The following SNRPN variants were observed in gnomAD, a reference collection of about 807,000 sequenced individuals.
The protein encoded by SNRPN is small nuclear ribonucleoprotein polypeptide N.
Under a neutral mutation model 25.2 loss-of-function variants are expected in SNRPN, and 7 were observed. That is an observed-to-expected ratio of 0.28 (90% CI 0.16 to 0.52). SNRPN has a LOEUF of 0.52. SNRPN is among the 20% of genes least tolerant of loss of function. The pLI is 0.96. For missense variants in SNRPN, 196 were observed against 322.5 expected (o/e 0.61, Z 3.00); for synonymous variants, 124 against 110.6 (o/e 1.12, Z -0.76).
intron 1 of SNRPN, among the ~76,000 whole-genome samples, chr15:24,884,655 A>G (rs1342138014): frequency 2.6e-5 from 4 of 152,236 alleles, no homozygotes; most frequent in Admixed American, 6.5e-5. Flanking sequence ...AGCTTTCCAT[A>G]GTATTTCATA....
chr15:24,923,078 G>C (rs7167489), intron 3 of SNRPN, among the ~76,000 whole-genome samples: 12,169 of 151,608 alleles, frequency 0.08, 548 homozygotes, highest in Non-Finnish European at 0.1. Flanking sequence ...GCTAATTTTT[G>C]TATTTTTAGC....
rs563845532 is a variant in SNRPN, at chr15:24,888,840, A to G, written c.-505+2251A>G. 1.2e-4 allele frequency among the ~76,000 whole-genome samples: 19 copies of G among 152,338 alleles called. No homozygotes were observed. The South Asian group carries it at 3.9e-3, about 32-fold the overall frequency. Reference sequence around the variant, plus strand: ...GCTCTTAAAGTTCTGAGAAGCAGCAAGTAAGTTCATCATTTACTAAGATCC... The same window carrying G: ...GCTCTTAAAGTTCTGAGAAGCAGCAGGTAAGTTCATCATTTACTAAGATCC... On this transcript the variant is annotated intron_variant, in intron 2 of 11. Coordinates refer to the SNRPN transcript ENST00000400097.
intron 3 of SNRPN, among the ~76,000 whole-genome samples, chr15:24,941,036 G>A (rs1005709725): frequency 6.6e-6 from 1 of 152,174 alleles, no homozygotes; most frequent in Non-Finnish European, 1.5e-5. Context: ...GAGTGCAGTG[G>A]CACAATCTTG....
intron 2 of SNRPN, chr15:24,850,215 A>G (rs2052686420): frequency 6.6e-6 from 1 of 152,276 alleles, no homozygotes; most frequent in Non-Finnish European, 1.5e-5. Flanking sequence ...GGCTGCCAAC[A>G]GGCTAATAGT....
At chr15:24,841,398 C>T (rs1256927113) in intron 2 of SNRPN, among the ~76,000 whole-genome samples, 3 of 152,036 alleles carry the variant, frequency 2.0e-5, no homozygotes, top group Admixed American at 1.3e-4. Flanking sequence ...TCACAGGGCT[C>T]TACCCACAAG....
chr15:24,881,702 A>G (rs2056701958), intron 1 of SNRPN, among the ~76,000 whole-genome samples: 1 of 152,170 alleles, frequency 6.6e-6, no homozygotes, highest in Admixed American at 6.6e-5. Flanking sequence ...GCATTTAAAA[A>G]TCGAAGAACC....
chr15:24,965,694 A>G lies in SNRPN; in HGVS notation c.-294-2238A>G, dbSNP rs192362067. ...ATTGGAGCTGGAGAGTTGTCTTAAT[A>G]TATTTTATGCTAAGCTTCACATGTC... On this transcript the variant is annotated intron_variant, in intron 2 of 9. Coordinates refer to ENST00000390687, the MANE Select transcript of SNRPN (RefSeq NM_003097.6). Among the ~76,000 whole-genome samples, 8 of 152,274 alleles carry G rather than the reference A, an allele frequency of 5.3e-5. No individual in the cohort carries two copies. The Middle Eastern group carries it at 0.01, about 194-fold the overall frequency.
At chr15:24,852,905 A>T (rs2053006733), upstream of SNRPN, among the ~76,000 whole-genome samples, 1 of 152,184 alleles carries the variant, frequency 6.6e-6, no homozygotes, top group African/African-American at 2.4e-5. Flanking sequence ...TAGCGCTCCA[A>T]CCTGGGCAAG....
In SNRPN at chr15:24,894,750, T is replaced by A. The variant is rs116066158; in HGVS notation, c.-505+8161T>A. Among the ~76,000 whole-genome samples, 1,023 of 152,336 alleles carry A rather than the reference T, an allele frequency of 6.7e-3. 19 individuals are homozygous for A. Among genetic ancestry groups the A allele is most frequent in the African/African-American group, 0.023 (976 of 41,576 alleles). The stretch of plus-strand genomic sequence containing the variant: ...ACTACTGACAGAGATCTGGGAGAGC[T>A]GACTTTGGTGAAAATTCTCACCTTG... On this transcript the variant is annotated intron_variant, in intron 2 of 11. Coordinates refer to the SNRPN transcript ENST00000400097.
intron 2 of SNRPN, among the ~76,000 whole-genome samples, chr15:24,837,586 G>A (rs942890224): frequency 7.2e-5 from 11 of 151,800 alleles, no homozygotes; most frequent in African/African-American, 2.2e-4. Flanking sequence ...AGCTAGGATG[G>A]TCTCGATCTC....
At chr15:24,871,552 T>C (rs751896791) in intron 1 of SNRPN, among the ~76,000 whole-genome samples, 2 of 152,058 alleles carry the variant, frequency 1.3e-5, no homozygotes, top group Non-Finnish European at 2.9e-5. Context: ...CATCTTTTTA[T>C]GTGCCCTTTG....
intron 2 of SNRPN, among the ~76,000 whole-genome samples, chr15:24,844,252 AT>A (rs2051990775): frequency 6.6e-6 from 1 of 151,984 alleles, no homozygotes; most frequent in Non-Finnish European, 1.5e-5. Context: ...GGTTTCAATA[AT>A]TTACATCTTC....
rs563550744 is a variant in SNRPN, at chr15:24,955,014, C to T, written c.-439C>T. The T allele has an allele frequency of 5.0e-6, 8 of 1,612,276 alleles. No homozygotes were observed. The highest frequency in any genetic ancestry group is 1.7e-5 in the Admixed American group (1 of 59,984). The stretch of plus-strand genomic sequence containing the variant: ...AGAGTGGAGCGGCCGCCGGAGATGC[C>T]TGACGCATCTGTCTGAGGAGCGGTC... On this transcript the variant is annotated 5_prime_UTR_variant, in exon 1 of 10. Coordinates refer to ENST00000390687, the MANE Select transcript of SNRPN (RefSeq NM_003097.6).
At chr15:24,977,094 T>C (rs1396793149) in intron 7 of SNRPN, 65 bp downstream of exon 7, 1 of 1,339,348 alleles carries the variant, frequency 7.5e-7, no homozygotes, top group Admixed American at 2.6e-5. Context: ...GCCGAGGAGA[T>C]TTAAAAACCT....
chr15:24,900,043 A>T (rs1468909366), intron 2 of SNRPN, among the ~76,000 whole-genome samples: 1 of 152,202 alleles, frequency 6.6e-6, no homozygotes, highest in East Asian at 1.9e-4. Flanking sequence ...TATCACAATT[A>T]ATCAAGCAAT....
chr15:24,941,608 C>A (rs2061561391), intron 3 of SNRPN, among the ~76,000 whole-genome samples: 1 of 152,120 alleles, frequency 6.6e-6, no homozygotes, highest in Admixed American at 6.6e-5. Flanking sequence ...TAAGGGATCC[C>A]TTGTACTTCA....
At position 24,955,030 on chromosome 15, in the gene SNRPN, A is replaced by C; in HGVS notation, c.-423A>C. ...CGGAGATGCCTGACGCATCTGTCTG[A>C]GGAGCGGTCAGTGACGCGATGGAGC... On this transcript the variant is annotated 5_prime_UTR_variant, in exon 1 of 10. An upstream open reading frame in the 5' UTR loses its in-frame stop. Transcript: ENST00000390687. 1 of 1,612,966 alleles carries C rather than the reference A, an allele frequency of 6.2e-7. No individual in the cohort carries two copies. The highest frequency in any genetic ancestry group is 1.7e-5 in the Admixed American group (1 of 60,018).
rs1033513142 is a variant in SNRPN, at chr15:24,929,043, C to T, written c.-391+8919C>T. On this transcript the variant is annotated intron_variant, in intron 3 of 11. Transcript: ENST00000400097. The surrounding 1 kb of genome is among the most constrained non-coding windows in gnomAD (Gnocchi z 5.3). ...AATCCTGATTTCTATTGTGGAGAAGCGTACTTAGAAACCAAGGTCTTGGTG... is the reference window on the plus strand; with the variant it reads ...AATCCTGATTTCTATTGTGGAGAAGTGTACTTAGAAACCAAGGTCTTGGTG... Among the ~76,000 whole-genome samples the T allele has an allele frequency of 9.2e-5, 14 of 152,104 alleles. No individual in the cohort carries two copies. The highest frequency in any genetic ancestry group is 2.0e-4 in the Admixed American group (3 of 15,264).
intron 1 of SNRPN, among the ~76,000 whole-genome samples, chr15:24,827,397 C>T (rs1480772203): frequency 1.3e-5 from 2 of 151,368 alleles, no homozygotes; most frequent in Non-Finnish European, 2.9e-5. Context: ...CGCCTGTAGT[C>T]CCAGCATACT....
Sources: allele counts gnomAD v4.1 joint callset (sites outside exome capture counted in the v4.1 genomes callset), GRCh38; gene constraint gnomAD v4.1.1; non-coding constraint Gnocchi (gnomAD v3.1); transcripts MANE v1.5; gene names NCBI Gene and HGNC (gene_info 2026-07-23, HGNC 2026-07-21).